RGPD3: variants seen among roughly 807,000 people sequenced by gnomAD.
The protein encoded by RGPD3 is RANBP2 like and GRIP domain containing 3.
A neutral mutation model predicts 154.5 loss-of-function variants in RGPD3; 62 were observed. That is an observed-to-expected ratio of 0.40 (90% CI 0.33 to 0.50). RGPD3 has a LOEUF of 0.50. Among genes scored for constraint, RGPD3 ranks in the 20% least tolerant of loss-of-function variants. The pLI, the probability that RGPD3 is intolerant of heterozygous loss-of-function variation, is 0.59. For synonymous variants in RGPD3, 308 were observed against 607.0 expected, an observed-to-expected ratio of 0.51 and a Z score of 7.24; for missense variants, 919 against 1,716.8, an observed-to-expected ratio of 0.54 and a Z score of 8.21.
rs1247851839 is a variant in RGPD3, at chr2:106,433,143, G to C, written c.2348C>G (p.Pro783Arg). ...DSEIKHSTPS[P>R]TKYSLSPSKS... is the part of the protein sequence containing the mutation. The stretch of plus-strand genomic sequence containing the variant: ...ACTTGGTGATAGTGAATATTTGGTA[G>C]GAGATGGTGTAGAATGTTTTATTTC... The change falls in exon 16 of 23, where the codon CCT (proline) becomes CGT (arginine). Residue 783 changes from proline (P) to arginine (R), a missense_variant. Physicochemically the swap from Pro to Arg is moderately radical, Grantham distance 103. Transcript: ENST00000409886. The C allele has an allele frequency of 6.2e-7, 1 of 1,611,178 alleles. No individual in the cohort carries two copies. The highest frequency in any genetic ancestry group is 8.5e-7 in the Non-Finnish European group (1 of 1,179,544).
At chr2:106,426,889 C>G (rs1355936738) in intron 18 of RGPD3, among the ~76,000 whole-genome samples, 1 of 151,898 alleles carries the variant, frequency 6.6e-6, no homozygotes, top group Non-Finnish European at 1.5e-5. Flanking sequence ...AAAAGGCTAG[C>G]CAGAAGCCCA....
intron 21 of RGPD3, among the ~76,000 whole-genome samples, chr2:106,414,397 G>A (rs140474760): frequency 0.047 from 7,157 of 152,174 alleles, 187 homozygotes; most frequent in Middle Eastern, 0.11. Flanking sequence ...GCTGAGGCAG[G>A]CAGATCACGA....
intron 1 of RGPD3, among the ~76,000 whole-genome samples, chr2:106,468,010 C>T (rs1678689499): frequency 7.0e-6 from 1 of 142,202 alleles, no homozygotes; most frequent in Non-Finnish European, 1.5e-5. Flanking sequence ...CAGAGCGCGC[C>T]AGGGAGCAGC....
chr2:106,412,318 T>G (rs1479912692), intron 22 of RGPD3, among the ~76,000 whole-genome samples: 9 of 109,426 alleles, frequency 8.2e-5, no homozygotes, highest in South Asian at 7.5e-4. Context: ...TTTTTTTTTT[T>G]TTTTTTTTTT....
chr2:106,450,985 AGGCT>A (rs1307889177), intron 6 of RGPD3, among the ~76,000 whole-genome samples: 1 of 149,856 alleles, frequency 6.7e-6, no homozygotes, highest in East Asian at 2.0e-4. Context: ...GCTACTCGGG[AGGCT>A]GAGGCAGGAG....
chr2:106,461,950 G>A (rs1482650486), intron 1 of RGPD3, among the ~76,000 whole-genome samples: 1 of 151,084 alleles, frequency 6.6e-6, no homozygotes, highest in East Asian at 2.0e-4. Flanking sequence ...GTCTTGCTCT[G>A]TCACCAGGCT....
chr2:106,426,682 C>G (rs1351706930), intron 18 of RGPD3, among the ~76,000 whole-genome samples: 1 of 152,192 alleles, frequency 6.6e-6, no homozygotes, highest in Non-Finnish European at 1.5e-5. Flanking sequence ...TCTGTTTTAC[C>G]AGGAAACAAA....
At position 106,423,694 on chromosome 2, in the gene RGPD3, T is replaced by C. The variant is rs1325131171; in HGVS notation, c.4273A>G (p.Arg1425Gly). Residue 1425 changes from arginine to glycine, a missense_variant, in exon 20 of 23, where the codon AGA (arginine) becomes GGA (glycine). By Grantham distance (125) the Arg-to-Gly change is moderately radical. Transcript: ENST00000409886. ...TCACATGCAGTCCACACCCATACTCTTTCTGTCCCTTTCATATTTTGCAAA... is the reference window on the plus strand; with the variant it reads ...TCACATGCAGTCCACACCCATACTCCTTCTGTCCCTTTCATATTTTGCAAA... ...MSLQNMKGTE[R>G]VWVWTACDFA... is the part of the protein sequence containing the mutation. The C allele has an allele frequency of 2.5e-5, 40 of 1,610,410 alleles. 1 individual carries two copies. Among genetic ancestry groups the C allele is most frequent in the East Asian group, 1.3e-4 (6 of 44,824 alleles).
chr2:106,410,695 T>C (rs1676643726), intron 22 of RGPD3, among the ~76,000 whole-genome samples: 1 of 152,206 alleles, frequency 6.6e-6, no homozygotes, highest in African/African-American at 2.4e-5. Flanking sequence ...TCTTGCTTTT[T>C]ATAGGGGCAG....
At chr2:106,464,257 T>C (rs1224432566) in intron 1 of RGPD3, among the ~76,000 whole-genome samples, 2 of 142,724 alleles carry the variant, frequency 1.4e-5, no homozygotes, top group East Asian at 2.1e-4. Context: ...AGGAGAATGG[T>C]GTGAACCCGG....
At position 106,465,243 on chromosome 2, in the gene RGPD3, CCT is replaced by C. The variant is rs1678532922; in HGVS notation, c.72+2972_72+2973del. Among the ~76,000 whole-genome samples the C allele has an allele frequency of 2.0e-5, 3 of 151,952 alleles. No homozygotes were observed. The South Asian group carries it at 6.3e-4, about 32-fold the overall frequency. ...ATTCTTTACCTTCTATCCAAAGCACCCTGTTTTGTCATTTCACTCAAACCTAA... is the reference window on the plus strand; with the variant it reads ...ATTCTTTACCTTCTATCCAAAGCACCGTTTTGTCATTTCACTCAAACCTAA... On this transcript the variant is annotated intron_variant, in intron 1 of 22. Transcript: ENST00000409886.
At chr2:106,448,108 CTT>C (rs376235888) in intron 6 of RGPD3, among the ~76,000 whole-genome samples, 51 of 110,052 alleles carry the variant, frequency 4.6e-4, no homozygotes, top group African/African-American at 1.1e-3. Context: ...AATAAATTGT[CTT>C]TTTTTTTTTT....
At chr2:106,466,122 G>A (rs1364604822) in intron 1 of RGPD3, among the ~76,000 whole-genome samples, 1 of 151,876 alleles carries the variant, frequency 6.6e-6, no homozygotes, top group African/African-American at 2.4e-5. Flanking sequence ...GGGCCAGAAA[G>A]CCCGGGCCAG....
chr2:106,423,685 C>A lies in RGPD3; in HGVS notation c.4282G>T (p.Val1428Leu), dbSNP rs758369847. The change falls in exon 20 of 23, where the codon GTG (valine) becomes TTG (leucine). Residue 1428 changes from valine to leucine, a missense_variant. Transcript: ENST00000409886. The part of the protein sequence containing the change: ...QNMKGTERVW[V>L]WTACDFADGE... ...TCTGCAAAATCACATGCAGTCCACA[C>A]CCATACTCTTTCTGTCCCTTTCATA... 16 of 1,609,438 alleles carry A rather than the reference C, an allele frequency of 9.9e-6. No homozygotes were observed. Among genetic ancestry groups the A allele is most frequent in the African/African-American group, 5.4e-5 (4 of 74,314 alleles).
chr2:106,410,578 A>G (rs572805903), intron 22 of RGPD3, among the ~76,000 whole-genome samples: 54 of 152,296 alleles, frequency 3.5e-4, no homozygotes, highest in African/African-American at 1.2e-3. Context: ...AGATAATATC[A>G]TTGTTGTATT....
At position 106,423,895 on chromosome 2, in the gene RGPD3, AAAC is replaced by A. The variant is rs1453066830; in HGVS notation, c.4069_4071del (p.Val1357del). 3 of 1,611,792 alleles carry A rather than the reference AAAC, an allele frequency of 1.9e-6. No individual in the cohort carries two copies. In the African/African-American group the frequency reaches 4.0e-5, roughly 22 times the overall value. On this transcript the variant is annotated inframe_deletion, in exon 20 of 23. Coordinates refer to ENST00000409886, the MANE Select transcript of RGPD3 (RefSeq NM_001144013.2). ...CTGTAGAATTCTGCCCTGTGACTAA[AAAC>A]AACTTGTTCATTTTCCTCACCACTG... is the stretch of plus-strand genomic sequence containing the variant.
Position 106,424,818 on chromosome 2 carries a change from A to C in RGPD3, c.3149T>G (p.Leu1050Arg), listed in dbSNP as rs1178958013. The change falls in exon 20 of 23, where the codon CTT becomes CGT. Residue 1050 changes from leucine to arginine, a missense_variant. Physicochemically the swap from Leu to Arg is moderately radical, Grantham distance 102. Transcript: ENST00000409886. Reference protein sequence around the residue: ...PVVQMPEKVELVTGEEGEKVL... With the variant: ...PVVQMPEKVERVTGEEGEKVL... Reference sequence around the variant, plus strand: ...TTTTTCACCTTCTTCTCCTGTTACAAGTTCTACTTTTTCAGGCATTTGAAC... The same window carrying C: ...TTTTTCACCTTCTTCTCCTGTTACACGTTCTACTTTTTCAGGCATTTGAAC... 6.2e-7 allele frequency: 1 copy of C among 1,611,524 alleles called. No individual in the cohort carries two copies. The highest frequency in any genetic ancestry group is 1.3e-5 in the African/African-American group (1 of 74,716).
At chr2:106,441,893 A>AG (rs1677755797) in intron 7 of RGPD3, among the ~76,000 whole-genome samples, 9 of 143,854 alleles carry the variant, frequency 6.3e-5, no homozygotes, top group African/African-American at 2.4e-4. Context: ...AAAAAAAAAA[A>AG]AGAGGGGCCA....
In RGPD3 at chr2:106,439,030, T is replaced by A; in HGVS notation, c.1214A>T (p.Asp405Val). The change falls in exon 9 of 23, where the codon GAT becomes GTT. Residue 405 changes from aspartate to valine, a missense_variant. Asp to Val is a radical substitution (Grantham distance 152). Coordinates refer to ENST00000409886, the MANE Select transcript of RGPD3 (RefSeq NM_001144013.2). ...SPKDTSFLGS[D>V]DIGNIDVQEP... Reference sequence around the variant, plus strand: ...TTGTACATCAATGTTTCCAATATCATCGCTACCAAGAAAAGATGTATCCTT... The same window carrying A: ...TTGTACATCAATGTTTCCAATATCAACGCTACCAAGAAAAGATGTATCCTT... The A allele has an allele frequency of 3.4e-6, 1 of 296,064 alleles. No individual in the cohort carries two copies. The highest frequency in any genetic ancestry group is 2.4e-5 in the South Asian group (1 of 41,936). 18.3% of individuals were successfully genotyped at this position (296,064 alleles called of 1,614,324 possible). A position where few individuals can be genotyped will look rare whatever the true frequency, so the allele number is the denominator to read the frequency against.
Sources: allele counts gnomAD v4.1 joint callset (sites outside exome capture counted in the v4.1 genomes callset), GRCh38; gene constraint gnomAD v4.1.1; transcripts MANE v1.5; gene names NCBI Gene and HGNC (gene_info 2026-07-23, HGNC 2026-07-21).